The following TRPM3 variants were observed in gnomAD, a reference collection of about 807,000 sequenced individuals.
TRPM3 encodes the protein long transient receptor potential channel 3.
In TRPM3, 77 loss-of-function variants were observed where a neutral mutation model predicts 181.2. That is an observed-to-expected ratio of 0.42 (90% CI 0.35 to 0.51). The LOEUF (loss-of-function observed/expected upper bound fraction) is 0.51. TRPM3 is among the 20% of genes least tolerant of loss of function. TRPM3 has a pLI of 0.01. For synonymous variants in TRPM3, 745 were observed against 796.4 expected (o/e 0.94, Z 1.09); for missense variants, 1,759 against 2,196.7 (o/e 0.80, Z 3.98).
At chr9:70,634,136 A>C (rs558682477) in intron 12 of TRPM3, among the ~76,000 whole-genome samples, 1 of 152,090 alleles carries the variant, frequency 6.6e-6, no homozygotes, top group Admixed American at 6.5e-5. Flanking sequence ...TTTTGATGGA[A>C]TCTCACTCTG....
intron 1 of TRPM3, among the ~76,000 whole-genome samples, chr9:71,396,302 T>A (rs1279144154): frequency 5.7e-5 from 8 of 141,308 alleles, no homozygotes; most frequent in African/African-American, 7.8e-5. Context: ...GTGCTATTGC[T>A]AAAAAAAAAA....
chr9:71,176,227 T>C (rs1587792953), intron 1 of TRPM3, among the ~76,000 whole-genome samples: 1 of 152,106 alleles, frequency 6.6e-6, no homozygotes, highest in Non-Finnish European at 1.5e-5. Context: ...ACTGTTATCA[T>C]AGGAGATGAC....
chr9:71,205,833 T>C (rs1003577087), intron 1 of TRPM3, among the ~76,000 whole-genome samples: 2 of 152,196 alleles, frequency 1.3e-5, no homozygotes, highest in African/African-American at 4.8e-5. Context: ...TGTCTACTGA[T>C]AGTTTCCATG....
At chr9:70,822,209 T>C (rs1211753570) in intron 6 of TRPM3, among the ~76,000 whole-genome samples, 1 of 152,250 alleles carries the variant, frequency 6.6e-6, no homozygotes, top group Non-Finnish European at 1.5e-5. Context: ...ATGTTCTTTA[T>C]TTCTGCGTGG....
intron 1 of TRPM3, among the ~76,000 whole-genome samples, chr9:71,116,881 G>A (rs1283274557): frequency 6.6e-6 from 1 of 152,002 alleles, no homozygotes; most frequent in Non-Finnish European, 1.5e-5. Context: ...ACACTCCATG[G>A]GGCTCATCCT....
At chr9:71,105,431 C>T (rs1044369542) in intron 1 of TRPM3, among the ~76,000 whole-genome samples, 4 of 152,106 alleles carry the variant, frequency 2.6e-5, no homozygotes, top group Non-Finnish European at 5.9e-5. Context: ...AGGCAGAAGA[C>T]GGGAGCTACA....
At chr9:71,166,455 C>A (rs1195997389) in intron 1 of TRPM3, among the ~76,000 whole-genome samples, 1 of 151,926 alleles carries the variant, frequency 6.6e-6, no homozygotes, top group Non-Finnish European at 1.5e-5. Flanking sequence ...ATCTAGAGAC[C>A]ATATTGTCCT....
intron 1 of TRPM3, among the ~76,000 whole-genome samples, chr9:70,942,903 A>G (rs2133579235): frequency 6.6e-6 from 1 of 152,252 alleles, no homozygotes; most frequent in East Asian, 1.9e-4. Context: ...GATACCCACC[A>G]AATTTCAAAA....
intron 22 of TRPM3, chr9:70,579,425 G>C (rs1300048237): frequency 6.6e-6 from 1 of 152,246 alleles, no homozygotes; most frequent in Non-Finnish European, 1.5e-5. Context: ...AACCTCACGA[G>C]TAGCTGTGAC....
intron 7 of TRPM3, among the ~76,000 whole-genome samples, chr9:70,783,277 C>G (rs1030100279): frequency 6.6e-6 from 1 of 152,168 alleles, no homozygotes; most frequent in Non-Finnish European, 1.5e-5. Context: ...TTCCCCTCCC[C>G]ACAAATTTCA....
chr9:71,046,876 G>C (rs1285600203), intron 1 of TRPM3, among the ~76,000 whole-genome samples: 2 of 152,124 alleles, frequency 1.3e-5, no homozygotes, highest in African/African-American at 4.8e-5. Context: ...TTTCACAGTT[G>C]TGTTCCATTG....
rs187913310 is a variant in TRPM3, at chr9:71,104,215, C to G, written c.177+16963G>C. 2.6e-4 allele frequency among the ~76,000 whole-genome samples: 40 copies of G among 152,288 alleles called. 1 individual carries two copies. Among genetic ancestry groups the G allele is most frequent in the East Asian group, 2.1e-3 (11 of 5,184 alleles). On this transcript the variant is annotated intron_variant, in intron 1 of 25. Coordinates refer to ENST00000677713, the MANE Select transcript of TRPM3 (RefSeq NM_001366145.2). ...ACAGGTGTGAATCACCATGCCCACC[C>G]CATTTAGCAACTCTTTATGAGTGAC...
intron 1 of TRPM3, among the ~76,000 whole-genome samples, chr9:71,162,619 C>T (rs571523891): frequency 4.2e-4 from 64 of 152,128 alleles, no homozygotes; most frequent in Admixed American, 1.9e-3. Flanking sequence ...GTTCAGAGAA[C>T]TTATTTGAAT....
rs41287371 is a variant in TRPM3, at chr9:70,535,764, T to C, written c.*189A>G. On this transcript the variant is annotated 3_prime_UTR_variant, in exon 26 of 26. Transcript: ENST00000677713. ...GCCTTAAATCCCCTGTGTCTGGCACTGGGTCAGATCAAATGCTTTCTTGAT... is the reference window on the plus strand; with the variant it reads ...GCCTTAAATCCCCTGTGTCTGGCACCGGGTCAGATCAAATGCTTTCTTGAT... 3,373 of 1,468,574 alleles carry C rather than the reference T, an allele frequency of 2.3e-3. 26 individuals are homozygous for C. The Middle Eastern group carries it at 0.025, about 11-fold the overall frequency. The allele number at this position is 1,468,574 out of a possible 1,614,324, so 91.0% of individuals were successfully genotyped here. A position where few individuals can be genotyped will look rare whatever the true frequency, so the allele number is the denominator to read the frequency against.
intron 9 of TRPM3, among the ~76,000 whole-genome samples, chr9:70,670,926 C>T (rs1037742927): frequency 1.6e-4 from 25 of 152,148 alleles, no homozygotes; most frequent in Non-Finnish European, 3.4e-4. Flanking sequence ...TTACTGGCTA[C>T]AGCCAGTAAA....
At chr9:70,829,895 AT>A (rs1184741630) in intron 5 of TRPM3, among the ~76,000 whole-genome samples, 2 of 152,226 alleles carry the variant, frequency 1.3e-5, no homozygotes, top group African/African-American at 4.8e-5. Context: ...ATCATAAAAC[AT>A]TCATTCTACA....
At chr9:71,131,009 T>C (rs1164626735) in intron 1 of TRPM3, among the ~76,000 whole-genome samples, 3 of 152,154 alleles carry the variant, frequency 2.0e-5, no homozygotes, top group African/African-American at 7.2e-5. Context: ...ACAATTAAAA[T>C]AGATCAAGCC....
At chr9:70,666,397 T>C (rs1374163182) in intron 9 of TRPM3, among the ~76,000 whole-genome samples, 1 of 152,196 alleles carries the variant, frequency 6.6e-6, no homozygotes, top group African/African-American at 2.4e-5. Flanking sequence ...TCCTCTTTCA[T>C]TTTGGTAGAG....
At position 70,619,043 on chromosome 9, in the gene TRPM3, C is replaced by G; in HGVS notation, c.2182G>C (p.Glu728Gln). 1 of 1,614,144 alleles carries G rather than the reference C, an allele frequency of 6.2e-7. No homozygotes were observed. The highest frequency in any genetic ancestry group is 8.5e-7 in the Non-Finnish European group (1 of 1,180,020). ...GTCAGCAGTTTCATGGCCAGCTGTT[C>G]GTCCTGCTTGTAGGACTGGTCCAGG... is the stretch of plus-strand genomic sequence containing the variant. ...ELLDQSYKQDEQLAMKLLTYE... is the reference protein window; with the variant it reads ...ELLDQSYKQDQQLAMKLLTYE... The change falls in exon 17 of 26, where the codon GAA becomes CAA. Residue 728 changes from glutamate to glutamine, a missense_variant. Glu to Gln is a conservative substitution (Grantham distance 29). This residue lies in a region of TRPM3 where 737 missense variants were observed against 957.4 expected (regional missense o/e 0.77). Transcript: ENST00000677713.
Sources: gnomAD v4.1 joint callset for allele counts (sites outside exome capture counted in the v4.1 genomes callset) on GRCh38, gnomAD v4.1.1 for gene constraint, gnomAD v4.1.1 regional missense constraint, MANE v1.5 for transcripts, NCBI Gene and HGNC (gene_info 2026-07-23, HGNC 2026-07-21) for gene names.